The following RRM2 variants were observed in gnomAD, a reference collection of about 807,000 sequenced individuals.
RRM2 encodes the protein ribonucleoside-diphosphate reductase subunit M2.
A neutral mutation model predicts 45.9 loss-of-function variants in RRM2; 6 were observed. That is an observed-to-expected ratio of 0.13 (90% CI 0.07 to 0.26). The LOEUF is 0.26. RRM2 is among the 10% of genes least tolerant of loss of function. RRM2 has a pLI of 1.00. For missense variants in RRM2, 343 were observed against 489.5 expected (o/e 0.70, Z 2.82); for synonymous variants, 177 against 173.0 (o/e 1.02, Z -0.18).
chr2:10,159,983 G>A (rs944640352), intron 3 of RRM2, among the ~76,000 whole-genome samples: 3 of 152,220 alleles, frequency 2.0e-5, no homozygotes, highest in Admixed American at 2.0e-4. Flanking sequence ...CAGGGCCCTC[G>A]GGGGAAAGTC....
chr2:10,174,848 CAG>C (rs1218886067), intron 3 of RRM2, among the ~76,000 whole-genome samples: 1 of 145,294 alleles, frequency 6.9e-6, no homozygotes. Flanking sequence ...GCCTGGGTGA[CAG>C]AGTGAGACTC....
intron 3 of RRM2, among the ~76,000 whole-genome samples, chr2:10,151,764 C>A (rs1282720813): frequency 6.6e-6 from 1 of 152,208 alleles, no homozygotes; most frequent in Non-Finnish European, 1.5e-5. Context: ...CCCTTGCCAA[C>A]ACTTGGCATG....
Position 10,164,435 on chromosome 2 carries a change from A to T in RRM2, n.482+22060A>T, listed in dbSNP as rs142824616. 7.8e-4 allele frequency among the ~76,000 whole-genome samples: 119 copies of T among 152,274 alleles called. 1 individual carries two copies. The highest frequency in any genetic ancestry group is 5.9e-3 in the Admixed American group (90 of 15,300). ...TAAGTGCTCAATACATTTTATCATC[A>T]TTGTTATTTTTGACGCTGAGGGTCA... On this transcript the variant is annotated intron_variant and non_coding_transcript_variant, in intron 3 of 3. Coordinates refer to the RRM2 transcript ENST00000381786.
chr2:10,163,531 GCCTCAGTTT>G (rs1453780879), intron 3 of RRM2, among the ~76,000 whole-genome samples: 1 of 152,160 alleles, frequency 6.6e-6, no homozygotes, highest in Non-Finnish European at 1.5e-5. Context: ...GGCCCTCTCG[GCCTCAGTTT>G]CCCCGGGTCT....
chr2:10,200,654 A>AGGGACCGCGCGCG lies in RRM2; in HGVS notation n.483-9657_483-9656insGGGACCGCGCGCG, dbSNP rs1558406960. On this transcript the variant is annotated intron_variant and non_coding_transcript_variant, in intron 3 of 3. Coordinates refer to the RRM2 transcript ENST00000381786. ...TATGAGGCCCACAGGCACCGCGCAC[A>AGGGACCGCGCGCG]CAAAATATGAGGCCCACAGGGACTG... Among the ~76,000 whole-genome samples the AGGGACCGCGCGCG allele has an allele frequency of 4.8e-5, 5 of 103,714 alleles. 2 individuals are homozygous for AGGGACCGCGCGCG. Among genetic ancestry groups the AGGGACCGCGCGCG allele is most frequent in the African/African-American group, 2.4e-4 (5 of 20,522 alleles). The allele number at this position is 103,714 out of a possible 152,430, so 68.0% of individuals were successfully genotyped here. A position where few individuals can be genotyped will look rare whatever the true frequency, so the allele number is the denominator to read the frequency against.
intron 3 of RRM2, chr2:10,198,647 G>C (rs1478958535): frequency 6.6e-6 from 1 of 152,078 alleles, no homozygotes; most frequent in Non-Finnish European, 1.5e-5. Context: ...TGTAAGAGTT[G>C]AAGAAAGAAG....
chr2:10,200,638 C>CG (rs1664543765), intron 3 of RRM2, among the ~76,000 whole-genome samples: 1 of 104,318 alleles, frequency 9.6e-6, no homozygotes, highest in African/African-American at 3.4e-5. Flanking sequence ...ATATGAGGCC[C>CG]ACAGGCACCG....
chr2:10,200,180 A>G (rs182469659), intron 3 of RRM2, among the ~76,000 whole-genome samples: 20 of 152,180 alleles, frequency 1.3e-4, no homozygotes, highest in African/African-American at 4.1e-4. Context: ...TTATTTTTAC[A>G]TAGGCCTTTT....
chr2:10,203,884 G>T (rs1396470426), intron 3 of RRM2, among the ~76,000 whole-genome samples: 1 of 152,006 alleles, frequency 6.6e-6, no homozygotes, highest in Non-Finnish European at 1.5e-5. Context: ...CAGAGAATTT[G>T]AACTCTGAGC....
chr2:10,182,763 G>A (rs553621692), intron 3 of RRM2, among the ~76,000 whole-genome samples: 1 of 152,204 alleles, frequency 6.6e-6, no homozygotes, highest in Non-Finnish European at 1.5e-5. Context: ...CTCCCTCCCA[G>A]GTCATCACCG....
intron 3 of RRM2, among the ~76,000 whole-genome samples, chr2:10,190,633 T>C (rs992808246): frequency 2.0e-5 from 3 of 150,842 alleles, no homozygotes; most frequent in African/African-American, 7.3e-5. Flanking sequence ...GTGGCAATGG[T>C]GGTGGTGATG....
chr2:10,173,120 G>A (rs1314803314), intron 3 of RRM2, among the ~76,000 whole-genome samples: 2 of 152,080 alleles, frequency 1.3e-5, no homozygotes, highest in Non-Finnish European at 2.9e-5. Context: ...TAAACACTCT[G>A]TGCCCAGTTT....
chr2:10,204,155 G>A lies in RRM2; in HGVS notation n.483-6156G>A, dbSNP rs1664623014. ...ACCATCATTGGGACAGAGCCCCTGT[G>A]CTTGAGACAAGCAGAAGATAGACTT... On this transcript the variant is annotated intron_variant and non_coding_transcript_variant, in intron 3 of 3. Coordinates refer to the RRM2 transcript ENST00000381786. The surrounding 1 kb of genome is among the most constrained non-coding windows in gnomAD (Gnocchi z 4.0). 6.6e-6 allele frequency among the ~76,000 whole-genome samples: 1 copy of A among 152,016 alleles called. No homozygotes were observed. The highest frequency in any genetic ancestry group is 2.4e-5 in the African/African-American group (1 of 41,384).
chr2:10,168,121 A>G (rs1663721006), intron 3 of RRM2, among the ~76,000 whole-genome samples: 1 of 145,296 alleles, frequency 6.9e-6, no homozygotes, highest in Non-Finnish European at 1.5e-5. Context: ...TCCCCTTAGT[A>G]GTTTTTCCTC....
At chr2:10,135,794 T>TC, downstream of RRM2, among the ~76,000 whole-genome samples, 1 of 152,272 alleles carries the variant, frequency 6.6e-6, no homozygotes, top group Admixed American at 6.5e-5. Context: ...GAATGATTGT[T>TC]CCTCTGGGAA....
chr2:10,202,291 A>G (rs913308550), intron 3 of RRM2, among the ~76,000 whole-genome samples: 1 of 152,134 alleles, frequency 6.6e-6, no homozygotes, highest in Non-Finnish European at 1.5e-5. Context: ...CCAAAACTAT[A>G]TTTTACTTTT....
At chr2:10,181,092 A>C (rs1664038120) in intron 3 of RRM2, among the ~76,000 whole-genome samples, 1 of 152,182 alleles carries the variant, frequency 6.6e-6, no homozygotes, top group Admixed American at 6.5e-5. Context: ...GAGTATTGAT[A>C]ACCACCACCA....
At chr2:10,159,669 G>A (rs1663514536) in intron 3 of RRM2, among the ~76,000 whole-genome samples, 1 of 152,224 alleles carries the variant, frequency 6.6e-6, no homozygotes, top group Admixed American at 6.5e-5. Context: ...CTTCCTTCCT[G>A]CAGGGCTGCT....
At chr2:10,123,878 C>A in intron 4 of RRM2, 26 bp downstream of exon 4, 1 of 1,283,644 alleles carries the variant, frequency 7.8e-7, no homozygotes, top group Non-Finnish European at 1.1e-6. Context: ...ATCTTTCATT[C>A]ATTTGACGTT....
Sources: gnomAD v4.1 joint callset for allele counts (sites outside exome capture counted in the v4.1 genomes callset) on GRCh38, gnomAD v4.1.1 for gene constraint, Gnocchi (gnomAD v3.1) non-coding constraint, MANE v1.5 for transcripts, NCBI Gene and HGNC (gene_info 2026-07-23, HGNC 2026-07-21) for gene names.